The following GABRA2 variants were observed in gnomAD, a reference collection of about 807,000 sequenced individuals.
GABRA2 encodes gamma-aminobutyric acid receptor subunit alpha-2.
Under a neutral mutation model 48.7 loss-of-function variants are expected in GABRA2, and 16 were observed. That is an observed-to-expected ratio of 0.33 (90% CI 0.22 to 0.50). The LOEUF is 0.50. Ranked by LOEUF, GABRA2 falls within the 20% of genes least tolerant of loss-of-function variation. The pLI, the probability that GABRA2 is intolerant of heterozygous loss-of-function variation, is 0.98. For synonymous variants in GABRA2, 185 were observed against 184.5 expected (o/e 1.00, Z -0.02); for missense variants, 275 against 535.6 (o/e 0.51, Z 4.80).
intron 3 of GABRA2, among the ~76,000 whole-genome samples, chr4:46,350,016 C>T (rs1370613364): frequency 3.3e-5 from 5 of 151,836 alleles, no homozygotes; most frequent in Non-Finnish European, 5.9e-5. Flanking sequence ...TAAGCATTTA[C>T]TGTATGCTGA....
chr4:46,273,780 T>C (rs1038979725), intron 8 of GABRA2, among the ~76,000 whole-genome samples: 3 of 151,940 alleles, frequency 2.0e-5, no homozygotes, highest in Non-Finnish European at 4.4e-5. Flanking sequence ...ATATTTAAGG[T>C]GTTGGCCATG....
At chr4:46,331,274 G>T (rs1731307257) in intron 4 of GABRA2, among the ~76,000 whole-genome samples, 1 of 152,120 alleles carries the variant, frequency 6.6e-6, no homozygotes, top group Non-Finnish European at 1.5e-5. Flanking sequence ...TTCCAAAGAG[G>T]TGGGGATCAC....
chr4:46,285,261 T>G (rs1490631682), intron 8 of GABRA2, among the ~76,000 whole-genome samples: 4 of 152,094 alleles, frequency 2.6e-5, no homozygotes, highest in African/African-American at 7.2e-5. Context: ...ACTTACATAA[T>G]GTATGATTTT....
intron 3 of GABRA2, among the ~76,000 whole-genome samples, chr4:46,358,159 A>G (rs903537265): frequency 1.3e-5 from 2 of 152,194 alleles, no homozygotes; most frequent in Non-Finnish European, 2.9e-5. Context: ...TGAGGGAAGG[A>G]GTGCCAGCTC....
chr4:46,308,806 T>A (rs1727136048), intron 6 of GABRA2, among the ~76,000 whole-genome samples: 1 of 152,188 alleles, frequency 6.6e-6, no homozygotes, highest in African/African-American at 2.4e-5. Context: ...TATTTCATTT[T>A]CAGAATCGAG....
rs1718018126 is a variant in GABRA2, at chr4:46,389,858, A to AGAGAGAGG, written c.-135_-134insCCTCTCTC. On this transcript the variant is annotated 5_prime_UTR_variant, in exon 1 of 10. Transcript: ENST00000381620. ...GAGAGAGAGAGAGAGAGAGAGAGAG[A>AGAGAGAGG]GAGACCGAGACTGCAGCAGCCAAGA... The AGAGAGAGG allele has an allele frequency of 2.1e-6, 2 of 963,892 alleles. No homozygotes were observed. Among genetic ancestry groups the AGAGAGAGG allele is most frequent in the South Asian group, 4.9e-5 (1 of 20,328 alleles). 59.7% of individuals were successfully genotyped at this position (963,892 alleles called of 1,614,324 possible).
chr4:46,338,436 T>C (rs1732641330), intron 3 of GABRA2, among the ~76,000 whole-genome samples: 1 of 152,010 alleles, frequency 6.6e-6, no homozygotes, highest in Non-Finnish European at 1.5e-5. Context: ...CTCTTACTTG[T>C]ATTTTAGGTT....
intron 4 of GABRA2, among the ~76,000 whole-genome samples, chr4:46,317,946 A>G (rs943500763): frequency 2.0e-5 from 3 of 151,712 alleles, no homozygotes; most frequent in African/African-American, 7.2e-5. Context: ...TTTAAAAACT[A>G]AAAATCTGGA....
At chr4:46,308,075 A>T (rs1393376509) in intron 6 of GABRA2, among the ~76,000 whole-genome samples, 1 of 152,184 alleles carries the variant, frequency 6.6e-6, no homozygotes, top group Non-Finnish European at 1.5e-5. Context: ...TGCATTAAGC[A>T]GATGTATACC....
chr4:46,286,065 AT>A (rs1237326632), intron 8 of GABRA2, among the ~76,000 whole-genome samples: 1 of 152,010 alleles, frequency 6.6e-6, no homozygotes, highest in African/African-American at 2.4e-5. Flanking sequence ...ACTTGTTTTT[AT>A]TATCCCAGAA....
chr4:46,390,063 G>GA lies in GABRA2; in HGVS notation c.-340dup, dbSNP rs1251640323. Reference sequence around the variant, plus strand: ...ATGACAGGAGCTGGGGCCGGGGGGGGAAATTGGGGGGACGCGGGCGGAGGC... The same window carrying GA: ...ATGACAGGAGCTGGGGCCGGGGGGGGAAAATTGGGGGGACGCGGGCGGAGGC... On this transcript the variant is annotated 5_prime_UTR_variant, in exon 1 of 10. Coordinates refer to ENST00000381620, the MANE Select transcript of GABRA2 (RefSeq NM_000807.4). 5.7e-6 allele frequency: 1 copy of GA among 173,966 alleles called. No homozygotes were observed. Among genetic ancestry groups the GA allele is most frequent in the African/African-American group, 2.9e-5 (1 of 35,008 alleles). The allele number at this position is 173,966 out of a possible 1,614,324, so 10.8% of individuals were successfully genotyped here. A position where few individuals can be genotyped will look rare whatever the true frequency, so the allele number is the denominator to read the frequency against.
chr4:46,358,030 A>G (rs542213302), intron 3 of GABRA2, among the ~76,000 whole-genome samples: 1 of 152,306 alleles, frequency 6.6e-6, no homozygotes, highest in South Asian at 2.1e-4. Flanking sequence ...ACATAACGTT[A>G]GTATGAGTAT....
intron 8 of GABRA2, among the ~76,000 whole-genome samples, chr4:46,288,416 C>A (rs975195184): frequency 6.6e-6 from 1 of 152,072 alleles, no homozygotes; most frequent in African/African-American, 2.4e-5. Context: ...AGGCTTCGTA[C>A]CTACACTACT....
At chr4:46,339,647 C>T (rs984537822) in intron 3 of GABRA2, among the ~76,000 whole-genome samples, 9 of 151,928 alleles carry the variant, frequency 5.9e-5, no homozygotes, top group African/African-American at 1.9e-4. Context: ...AATAAAGGAA[C>T]TTCTCCTGGA....
chr4:46,310,400 C>T (rs538437505), intron 5 of GABRA2, 145 bp from the exon 6 acceptor site: 285 of 522,782 alleles, frequency 5.5e-4, no homozygotes, highest in Non-Finnish European at 9.2e-4. Flanking sequence ...TTTGTTCATT[C>T]ATGTTTAGGT....
chr4:46,345,561 G>C (rs748521094), intron 3 of GABRA2, among the ~76,000 whole-genome samples: 23 of 151,732 alleles, frequency 1.5e-4, no homozygotes, highest in Non-Finnish European at 3.2e-4. Context: ...ACAACCCTAA[G>C]GCATGTTCCA....
At chr4:46,362,937 T>C (rs1046785697) in intron 3 of GABRA2, among the ~76,000 whole-genome samples, 1 of 152,214 alleles carries the variant, frequency 6.6e-6, no homozygotes, top group African/African-American at 2.4e-5. Context: ...ATAAAATTTA[T>C]AATCTACTCA....
At chr4:46,259,776 G>C (rs886961593) in intron 9 of GABRA2, among the ~76,000 whole-genome samples, 10 of 151,880 alleles carry the variant, frequency 6.6e-5, no homozygotes, top group African/African-American at 2.4e-4. Context: ...AAAACAGCCT[G>C]TGGACAGAAA....
intron 8 of GABRA2, among the ~76,000 whole-genome samples, chr4:46,285,330 G>A (rs894790913): frequency 4.0e-5 from 6 of 151,892 alleles, no homozygotes; most frequent in Admixed American, 2.0e-4. Flanking sequence ...AAATAGTCTG[G>A]ATTTTTTATT....
Sources: gnomAD v4.1 joint callset for allele counts (sites outside exome capture counted in the v4.1 genomes callset) on GRCh38, gnomAD v4.1.1 for gene constraint, MANE v1.5 for transcripts, NCBI Gene and HGNC (gene_info 2026-07-23, HGNC 2026-07-21) for gene names.